The following SDK1 variants were observed in gnomAD, a reference collection of about 807,000 sequenced individuals.
SDK1 encodes protein sidekick-1.
A neutral mutation model predicts 245.5 loss-of-function variants in SDK1; 157 were observed. That is an observed-to-expected ratio of 0.64 (90% CI 0.56 to 0.73). The LOEUF is 0.73. SDK1 is among the 30% of genes least tolerant of loss of function. The pLI, the probability that SDK1 is intolerant of heterozygous loss-of-function variation, is 0.00. For synonymous variants in SDK1, 1,647 were observed against 1,278.5 expected (o/e 1.29, Z -6.15); for missense variants, 3,583 against 3,002.3 (o/e 1.19, Z -4.52).
intron 5 of SDK1, among the ~76,000 whole-genome samples, chr7:3,914,032 G>A (rs1469589398): frequency 2.0e-5 from 3 of 152,324 alleles, no homozygotes; most frequent in South Asian, 4.1e-4. Flanking sequence ...AAAGGAAGAA[G>A]CATCTACTCC....
At chr7:3,498,970 A>T (rs1232054969) in intron 1 of SDK1, among the ~76,000 whole-genome samples, 1 of 152,138 alleles carries the variant, frequency 6.6e-6, no homozygotes. Flanking sequence ...ACTAACTTTT[A>T]TTGGTTGATT....
chr7:4,140,267 C>T (rs1191164277), intron 28 of SDK1, among the ~76,000 whole-genome samples: 1 of 152,192 alleles, frequency 6.6e-6, no homozygotes, highest in African/African-American at 2.4e-5. Context: ...CCTGGGCCCA[C>T]CTCAGCTGAC....
intron 13 of SDK1, among the ~76,000 whole-genome samples, chr7:3,982,857 T>A (rs1455751308): frequency 2.7e-5 from 4 of 149,370 alleles, no homozygotes; most frequent in Admixed American, 1.3e-4. Flanking sequence ...AAAAAAAGAA[T>A]GTTTGTGATT....
chr7:3,743,703 T>C (rs1267633409), intron 4 of SDK1, among the ~76,000 whole-genome samples: 1 of 152,098 alleles, frequency 6.6e-6, no homozygotes, highest in Non-Finnish European at 1.5e-5. Flanking sequence ...TGTAAGTAGA[T>C]GTCGGAGGAG....
chr7:3,843,654 GC>G (rs1171168886), intron 5 of SDK1, among the ~76,000 whole-genome samples: 2 of 152,084 alleles, frequency 1.3e-5, no homozygotes, highest in African/African-American at 4.8e-5. Context: ...ACACAAAAGG[GC>G]CTTATTATGA....
rs145639450 is a variant in SDK1, at chr7:4,205,943, G to T, written c.5163G>T (p.Thr1721=). The change falls in exon 36 of 45, where the codon ACG becomes ACT. Residue 1721 remains threonine (T), a synonymous_variant. Transcript: ENST00000404826. ...TPLTASQLEV[T]WDPPPPESQN... ...TCACGGCCAGCCAGCTGGAGGTCAC[G>T]TGGGACCCACCACCCCCGGAGAGCC... 1.1e-5 allele frequency: 17 copies of T among 1,564,650 alleles called. No homozygotes were observed. Among genetic ancestry groups the T allele is most frequent in the African/African-American group, 8.1e-5 (6 of 73,708 alleles).
chr7:3,673,951 T>C (rs1783805348), intron 4 of SDK1, among the ~76,000 whole-genome samples: 1 of 152,204 alleles, frequency 6.6e-6, no homozygotes, highest in Non-Finnish European at 1.5e-5. Context: ...AGAAATTTGA[T>C]TAAGAATAAG....
chr7:3,780,642 C>G (rs1010648922), intron 4 of SDK1, among the ~76,000 whole-genome samples: 2 of 152,150 alleles, frequency 1.3e-5, no homozygotes. Flanking sequence ...TTCACCTCCT[C>G]CCATTTCAGG....
intron 1 of SDK1, among the ~76,000 whole-genome samples, chr7:3,616,730 C>A (rs1201762477): frequency 1.3e-5 from 2 of 152,020 alleles, no homozygotes; most frequent in Non-Finnish European, 2.9e-5. Flanking sequence ...GACAAAATAA[C>A]CTATGTATTT....
intron 4 of SDK1, among the ~76,000 whole-genome samples, chr7:3,715,013 T>C (rs913211740): frequency 1.3e-5 from 2 of 152,166 alleles, no homozygotes; most frequent in African/African-American, 4.8e-5. Context: ...AAAAAATAAA[T>C]GAAGAATCAA....
chr7:4,208,258 C>G lies in SDK1; in HGVS notation c.5374C>G (p.Pro1792Ala), dbSNP rs373454293. 2.5e-5 allele frequency: 41 copies of G among 1,613,492 alleles called. No individual in the cohort carries two copies. The highest frequency in any genetic ancestry group is 3.3e-5 in the Non-Finnish European group (39 of 1,179,910). ...CGCCGGAGATGGACCTAAGAGTGAC[C>G]CCCAGCAGGGGCGCACCCACCAGGC... ...NAAGDGPKSD[P>A]QQGRTHQAAP... Residue 1792 changes from proline to alanine, a missense_variant, in exon 37 of 45, where the codon CCC (proline) becomes GCC (alanine). Pro to Ala is a conservative substitution (Grantham distance 27). Coordinates refer to ENST00000404826, the MANE Select transcript of SDK1 (RefSeq NM_152744.4).
At chr7:3,825,685 G>T (rs186072914) in intron 5 of SDK1, among the ~76,000 whole-genome samples, 10 of 152,156 alleles carry the variant, frequency 6.6e-5, no homozygotes, top group Admixed American at 1.3e-4. Context: ...GCAGACTCAC[G>T]TAGGGTTAGT....
chr7:3,878,760 A>G (rs1781134982), intron 5 of SDK1, among the ~76,000 whole-genome samples: 1 of 152,076 alleles, frequency 6.6e-6, no homozygotes, highest in East Asian at 1.9e-4. Flanking sequence ...TCTCATATTC[A>G]AATAATCATC....
intron 5 of SDK1, among the ~76,000 whole-genome samples, chr7:3,834,621 C>G (rs1372322062): frequency 6.6e-6 from 1 of 152,150 alleles, no homozygotes; most frequent in Non-Finnish European, 1.5e-5. Context: ...TCATTTGCTC[C>G]CTTGTTATAA....
rs1241544542 is a variant in SDK1 at position 3,588,140 on chromosome 7, G to A, written c.299-30940G>A. Among the ~76,000 whole-genome samples, 3 of 152,274 alleles carry A rather than the reference G, an allele frequency of 2.0e-5. No individual in the cohort carries two copies. The East Asian group carries it at 5.8e-4, about 29-fold the overall frequency. ...CTCGTTTTACAGGTAAGGGAGCTGA[G>A]TTACAGAGAAATTAAGTGACTTATT... On this transcript the variant is annotated intron_variant, in intron 1 of 44. Coordinates refer to ENST00000404826, the MANE Select transcript of SDK1 (RefSeq NM_152744.4).
chr7:4,240,874 C>A (rs1445417730), intron 42 of SDK1, among the ~76,000 whole-genome samples: 1 of 152,072 alleles, frequency 6.6e-6, no homozygotes, highest in African/African-American at 2.4e-5. Context: ...AGAGGGAGAG[C>A]CCCAGGGGGA....
At chr7:3,945,979 T>C (rs964637641) in intron 5 of SDK1, among the ~76,000 whole-genome samples, 2 of 99,134 alleles carry the variant, frequency 2.0e-5, no homozygotes, top group East Asian at 3.0e-4. Flanking sequence ...AAGGAAAATA[T>C]TGGAAAAAAG....
intron 5 of SDK1, among the ~76,000 whole-genome samples, chr7:3,854,565 A>T (rs982860374): frequency 1.3e-5 from 2 of 152,210 alleles, no homozygotes; most frequent in Non-Finnish European, 2.9e-5. Flanking sequence ...AAGATCTTTC[A>T]ATGAGAATGA....
At chr7:4,013,037 T>C (rs1220408409) in intron 16 of SDK1, among the ~76,000 whole-genome samples, 1 of 152,226 alleles carries the variant, frequency 6.6e-6, no homozygotes. Context: ...AAGATCTAGC[T>C]TTGTACCTGA....
Sources: allele counts gnomAD v4.1 joint callset (sites outside exome capture counted in the v4.1 genomes callset), GRCh38; gene constraint gnomAD v4.1.1; transcripts MANE v1.5; gene names NCBI Gene and HGNC (gene_info 2026-07-23, HGNC 2026-07-21).